The following IGF2BP1 variants were observed in gnomAD, a reference collection of about 807,000 sequenced individuals.
The protein encoded by IGF2BP1 is insulin-like growth factor 2 mRNA-binding protein 1.
Under a neutral mutation model 74.9 loss-of-function variants are expected in IGF2BP1, and 11 were observed. That is an observed-to-expected ratio of 0.15 (90% CI 0.09 to 0.24). The LOEUF is 0.24. IGF2BP1 is among the 10% of genes least tolerant of loss of function. The pLI, the probability that IGF2BP1 is intolerant of heterozygous loss-of-function variation, is 1.00. For synonymous variants in IGF2BP1, 287 were observed against 281.8 expected, an observed-to-expected ratio of 1.02 and a Z score of -0.18; for missense variants, 440 against 757.4, an observed-to-expected ratio of 0.58 and a Z score of 4.92.
chr17:49,053,812 TG>T lies in IGF2BP1; in HGVS notation c.*4373del. On this transcript the variant is annotated 3_prime_UTR_variant, in exon 15 of 15. Transcript: ENST00000290341. The stretch of plus-strand genomic sequence containing the variant: ...CCTTCCTCCCACCTCTCATCAGGGG[TG>T]GGGGTTCTCCTTTCTTTCCCCTGAA... 1 of 152,626 alleles carries T rather than the reference TG, an allele frequency of 6.6e-6. No homozygotes were observed. Among genetic ancestry groups the T allele is most frequent in the Non-Finnish European group, 1.5e-5 (1 of 68,018 alleles). The allele number at this position is 152,626 out of a possible 1,614,324, so 9.5% of individuals were successfully genotyped here. A position where few individuals can be genotyped will look rare whatever the true frequency, so the allele number is the denominator to read the frequency against.
intron 4 of IGF2BP1, among the ~76,000 whole-genome samples, chr17:49,030,848 C>T (rs1043339482): frequency 3.9e-5 from 6 of 151,946 alleles, no homozygotes; most frequent in Non-Finnish European, 7.4e-5. Flanking sequence ...AGGCTGGTCT[C>T]AAACTCCTGA....
At chr17:49,028,229 G>A (rs1295322682) in intron 4 of IGF2BP1, among the ~76,000 whole-genome samples, 4 of 152,150 alleles carry the variant, frequency 2.6e-5, no homozygotes, top group African/African-American at 7.2e-5. Flanking sequence ...GACATAAGGC[G>A]GTCTTTAGGT....
chr17:49,022,593 T>C (rs991279368), intron 2 of IGF2BP1, among the ~76,000 whole-genome samples: 1 of 151,942 alleles, frequency 6.6e-6, no homozygotes, highest in Non-Finnish European at 1.5e-5. Flanking sequence ...ATTGGTTGGG[T>C]GGCCCTGCCC....
intron 9 of IGF2BP1, among the ~76,000 whole-genome samples, chr17:49,042,703 G>T (rs896574736): frequency 1.3e-5 from 2 of 151,848 alleles, no homozygotes; most frequent in African/African-American, 4.8e-5. Context: ...TTGAGACAGG[G>T]TCTTGGTATG....
intron 11 of IGF2BP1, 126 bp downstream of exon 11, chr17:49,044,212 C>T: frequency 7.5e-7 from 1 of 1,337,756 alleles, no homozygotes; most frequent in Non-Finnish European, 1.0e-6. Context: ...GGGACCTTTC[C>T]CCCATGGAAT....
chr17:49,045,149 A>C, intron 12 of IGF2BP1, 84 bp downstream of exon 12: 1 of 1,177,850 alleles, frequency 8.5e-7, no homozygotes, highest in Non-Finnish European at 1.3e-6. Flanking sequence ...AGGCTGGGTC[A>C]GTTTCCCGTT....
At chr17:49,015,414 T>A (rs927214717) in intron 2 of IGF2BP1, among the ~76,000 whole-genome samples, 3 of 152,112 alleles carry the variant, frequency 2.0e-5, no homozygotes, top group African/African-American at 7.2e-5. Flanking sequence ...CGGAGCTTAG[T>A]AGCCTTCCCG....
At chr17:49,024,810 C>T (rs1332496152) in intron 2 of IGF2BP1, among the ~76,000 whole-genome samples, 1 of 152,190 alleles carries the variant, frequency 6.6e-6, no homozygotes, top group Non-Finnish European at 1.5e-5. Flanking sequence ...GGCATTTTGT[C>T]TCCTTTGTTT....
At chr17:49,015,415 A>G (rs560798518) in intron 2 of IGF2BP1, among the ~76,000 whole-genome samples, 60 of 152,148 alleles carry the variant, frequency 3.9e-4, no homozygotes, top group African/African-American at 1.4e-3. Flanking sequence ...GGAGCTTAGT[A>G]GCCTTCCCGA....
intron 3 of IGF2BP1, among the ~76,000 whole-genome samples, chr17:49,025,872 T>G (rs1401501653): frequency 6.8e-6 from 1 of 148,004 alleles, no homozygotes; most frequent in Non-Finnish European, 1.5e-5. Flanking sequence ...TTTTTTTTTT[T>G]GAGATGGAGT....
intron 2 of IGF2BP1, among the ~76,000 whole-genome samples, chr17:49,005,157 C>T (rs962179475): frequency 6.6e-6 from 1 of 152,188 alleles, no homozygotes; most frequent in African/African-American, 2.4e-5. Context: ...ATACAACAGG[C>T]TGGAACAAAC....
At chr17:49,039,840 C>A in intron 6 of IGF2BP1, 117 bp from the exon 7 acceptor site, 3 of 1,100,152 alleles carry the variant, frequency 2.7e-6, no homozygotes, top group Non-Finnish European at 4.0e-6. Flanking sequence ...CTTGATTGTC[C>A]TTGTTTCAAG....
At chr17:49,011,997 C>T (rs759291032) in intron 2 of IGF2BP1, among the ~76,000 whole-genome samples, 7 of 150,636 alleles carry the variant, frequency 4.6e-5, no homozygotes, top group African/African-American at 9.8e-5. Flanking sequence ...ATACAACCTC[C>T]GCCTCCTGGG....
intron 11 of IGF2BP1, 125 bp downstream of exon 11, chr17:49,044,211 C>T: frequency 7.5e-7 from 1 of 1,336,530 alleles, no homozygotes; most frequent in East Asian, 2.4e-5. Context: ...AGGGACCTTT[C>T]CCCCATGGAA....
intron 4 of IGF2BP1, among the ~76,000 whole-genome samples, chr17:49,027,959 C>T (rs1294426957): frequency 6.6e-6 from 1 of 151,434 alleles, no homozygotes; most frequent in Non-Finnish European, 1.5e-5. Context: ...TCTCTTGAGC[C>T]ACGAGAGTTT....
At chr17:49,012,229 G>T (rs990428260) in intron 2 of IGF2BP1, among the ~76,000 whole-genome samples, 2 of 152,188 alleles carry the variant, frequency 1.3e-5, no homozygotes, top group Admixed American at 1.3e-4. Flanking sequence ...GAGATGGATG[G>T]GTCCAAATTT....
chr17:49,026,683 TCCTG>T (rs1310529371), intron 4 of IGF2BP1, among the ~76,000 whole-genome samples, 166 bp downstream of exon 4: 9 of 97,140 alleles, frequency 9.3e-5, no homozygotes, highest in Non-Finnish European at 1.9e-4. Context: ...CTTCCTGCCT[TCCTG>T]CCTTCCTGCC....
Position 49,040,110 on chromosome 17 carries a change from T to C in IGF2BP1, c.818+19T>C. On this transcript the variant is annotated intron_variant, in intron 7 of 14. Coordinates refer to ENST00000290341, the MANE Select transcript of IGF2BP1 (RefSeq NM_006546.4). ...CCAAAACGTAAGTCTCCAGCTTTTC[T>C]TGGATCTTCAGGGTCTGCTAGTCCA... 1 of 1,613,598 alleles carries C rather than the reference T, an allele frequency of 6.2e-7. No individual in the cohort carries two copies. Among genetic ancestry groups the C allele is most frequent in the Non-Finnish European group, 8.5e-7 (1 of 1,179,780 alleles).
intron 5 of IGF2BP1, among the ~76,000 whole-genome samples, chr17:49,036,127 C>T (rs180819741): frequency 1.4e-4 from 22 of 152,180 alleles, no homozygotes; most frequent in African/African-American, 5.3e-4. Context: ...ACCGGCATAG[C>T]GCTTGGCAAG....
Sources: gnomAD v4.1 joint callset for allele counts (sites outside exome capture counted in the v4.1 genomes callset) on GRCh38, gnomAD v4.1.1 for gene constraint, MANE v1.5 for transcripts, NCBI Gene and HGNC (gene_info 2026-07-23, HGNC 2026-07-21) for gene names.